The following MEIS1 variants were observed in gnomAD, a reference collection of about 807,000 sequenced individuals.
MEIS1 encodes the protein Meis homeobox 1, also known as homeobox protein Meis1.
A neutral mutation model predicts 50.8 loss-of-function variants in MEIS1; 5 were observed. The ratio of observed to expected loss-of-function variants is 0.10; its 90% confidence interval spans 0.05 to 0.21. MEIS1 has a LOEUF of 0.21. Ranked by LOEUF, MEIS1 falls within the 10% of genes least tolerant of loss-of-function variation. The pLI, the probability that MEIS1 is intolerant of heterozygous loss-of-function variation, is 1.00. For missense variants in MEIS1, 318 were observed against 517.3 expected (o/e 0.61, Z 3.74); for synonymous variants, 176 against 179.3 (o/e 0.98, Z 0.15).
At chr2:66,463,639 T>C (rs987866236) in intron 6 of MEIS1, among the ~76,000 whole-genome samples, 1 of 152,182 alleles carries the variant, frequency 6.6e-6, no homozygotes, top group Non-Finnish European at 1.5e-5. Flanking sequence ...CTAGCTATTA[T>C]GGACCCAGGC....
At chr2:66,455,089 GC>G (rs1463997083) in intron 6 of MEIS1, among the ~76,000 whole-genome samples, 1 of 151,966 alleles carries the variant, frequency 6.6e-6, no homozygotes, top group Non-Finnish European at 1.5e-5. Context: ...TAATACAATG[GC>G]ATAGAAAAAG....
At chr2:66,460,421 G>A (rs1393202034) in intron 6 of MEIS1, among the ~76,000 whole-genome samples, 3 of 152,168 alleles carry the variant, frequency 2.0e-5, no homozygotes, top group Non-Finnish European at 2.9e-5. Context: ...CTTAAGAAAC[G>A]ATAGAAGAAA....
chr2:66,492,461 A>C (rs974575214), intron 7 of MEIS1, among the ~76,000 whole-genome samples: 5 of 152,172 alleles, frequency 3.3e-5, no homozygotes, highest in Non-Finnish European at 5.9e-5. Flanking sequence ...CACATGGTCG[A>C]TAACTCTTTC....
intron 7 of MEIS1, among the ~76,000 whole-genome samples, chr2:66,466,922 T>G (rs913070765): frequency 7.4e-5 from 11 of 148,710 alleles, no homozygotes; most frequent in African/African-American, 2.8e-4. Context: ...TTTTACCACT[T>G]CATTATGGCA....
At chr2:66,443,272 C>G (rs1672044160) in intron 6 of MEIS1, 1 of 502,434 alleles carries the variant, frequency 2.0e-6, no homozygotes, top group Non-Finnish European at 3.4e-6. Flanking sequence ...GCTTTGCTAG[C>G]AAACTTGACC....
rs1180333485 is a variant in MEIS1 at position 66,534,814 on chromosome 2, G to C, written c.889-13129G>C. Among the ~76,000 whole-genome samples the C allele has an allele frequency of 2.6e-5, 4 of 152,134 alleles. No homozygotes were observed. In the South Asian group the frequency reaches 6.2e-4, roughly 24 times the overall value. ...CTAGTTGTTTCAAAGAGGAACAAAC[G>C]AATCAATCCTCACTGGATAAGGACA... is the stretch of plus-strand genomic sequence containing the variant. On this transcript the variant is annotated intron_variant, in intron 8 of 12. Transcript: ENST00000272369.
At chr2:66,528,548 C>T (rs1035942127) in intron 8 of MEIS1, among the ~76,000 whole-genome samples, 4 of 152,046 alleles carry the variant, frequency 2.6e-5, no homozygotes, top group African/African-American at 9.7e-5. Context: ...GAAGGTTCCT[C>T]TCCTTCCCCC....
chr2:66,496,028 A>C (rs964474252), intron 7 of MEIS1: 1 of 152,388 alleles, frequency 6.6e-6, no homozygotes, highest in Non-Finnish European at 1.5e-5. Flanking sequence ...CTGGCAGCAC[A>C]GGAGAGCAGT....
chr2:66,511,438 T>C (rs534980121), intron 7 of MEIS1, among the ~76,000 whole-genome samples: 1 of 152,268 alleles, frequency 6.6e-6, no homozygotes, highest in African/African-American at 2.4e-5. Flanking sequence ...TTACCTAGCA[T>C]GAATTTTAGA....
chr2:66,566,838 A>G (rs1675361631), intron 9 of MEIS1, among the ~76,000 whole-genome samples: 4 of 151,810 alleles, frequency 2.6e-5, no homozygotes, highest in Admixed American at 2.6e-4. Context: ...CAACAACAAA[A>G]AAAGCCACCC....
At chr2:66,497,693 G>A (rs901996780) in intron 7 of MEIS1, among the ~76,000 whole-genome samples, 1 of 152,130 alleles carries the variant, frequency 6.6e-6, no homozygotes, top group African/African-American at 2.4e-5. Context: ...TTAGGACTTC[G>A]AGAGCAGCCC....
intron 2 of MEIS1, chr2:66,439,538 A>G (rs947342323): frequency 8.0e-6 from 12 of 1,500,816 alleles, no homozygotes; most frequent in Admixed American, 6.4e-5. Flanking sequence ...TTAATTCAAA[A>G]TGGCTGCTGG....
In MEIS1 at chr2:66,571,912, A is replaced by T. The variant is rs1305288632; in HGVS notation, c.*704A>T. 1 of 183,218 alleles carries T rather than the reference A, an allele frequency of 5.5e-6. No homozygotes were observed. The highest frequency in any genetic ancestry group is 1.1e-5 in the Non-Finnish European group (1 of 90,530). 11.3% of individuals were successfully genotyped at this position (183,218 alleles called of 1,614,324 possible). On this transcript the variant is annotated 3_prime_UTR_variant, in exon 13 of 13. Coordinates refer to ENST00000272369, the MANE Select transcript of MEIS1 (RefSeq NM_002398.3). The stretch of plus-strand genomic sequence containing the variant: ...TACAGTTATCCTGCAAGGGACAGGA[A>T]GGTCTGATTTGCAGGATTTTTAGAG...
intron 7 of MEIS1, among the ~76,000 whole-genome samples, chr2:66,476,927 G>A (rs1281829713): frequency 3.3e-5 from 5 of 152,166 alleles, no homozygotes; most frequent in African/African-American, 9.7e-5. Flanking sequence ...TTGTGTAAAG[G>A]TAGGAAGGAG....
chr2:66,569,301 T>A, intron 12 of MEIS1, 156 bp downstream of exon 12: 1 of 623,558 alleles, frequency 1.6e-6, no homozygotes, highest in Non-Finnish European at 2.7e-6. Flanking sequence ...TTGGTTGTGA[T>A]CAAGCTTTTA....
At chr2:66,532,874 A>G (rs1674428592) in intron 8 of MEIS1, among the ~76,000 whole-genome samples, 1 of 152,162 alleles carries the variant, frequency 6.6e-6, no homozygotes, top group Non-Finnish European at 1.5e-5. Context: ...GCATATATAT[A>G]TATTTATCTG....
chr2:66,513,693 G>T (rs1221234980), intron 8 of MEIS1, among the ~76,000 whole-genome samples: 1 of 152,092 alleles, frequency 6.6e-6, no homozygotes, highest in Non-Finnish European at 1.5e-5. Context: ...TTCAGGGCTT[G>T]GCTATGCTGG....
At chr2:66,557,830 T>C (rs1307203814) in intron 9 of MEIS1, among the ~76,000 whole-genome samples, 1 of 152,172 alleles carries the variant, frequency 6.6e-6, no homozygotes, top group Non-Finnish European at 1.5e-5. Flanking sequence ...TTTCATTCGA[T>C]CATCCCAATT....
chr2:66,568,060 A>G (rs1675393890), intron 10 of MEIS1: 1 of 159,606 alleles, frequency 6.3e-6, no homozygotes, highest in African/African-American at 2.4e-5. Flanking sequence ...CATGGTTCTT[A>G]TTTCTCAGAC....
Sources: allele counts gnomAD v4.1 joint callset (sites outside exome capture counted in the v4.1 genomes callset), GRCh38; gene constraint gnomAD v4.1.1; transcripts MANE v1.5; gene names NCBI Gene and HGNC (gene_info 2026-07-23, HGNC 2026-07-21).